The following ZNF527 variants were observed in gnomAD, a reference collection of about 807,000 sequenced individuals.
The protein encoded by ZNF527 is zinc finger protein 527.
Under a neutral mutation model 13.5 loss-of-function variants are expected in ZNF527, and 5 were observed. That is an observed-to-expected ratio of 0.37 (90% CI 0.19 to 0.78). The LOEUF (loss-of-function observed/expected upper bound fraction) is 0.78, where lower values mean the gene tolerates loss of function less well. Ranked by LOEUF, ZNF527 falls within the 30% of genes least tolerant of loss-of-function variation. ZNF527 has a pLI of 0.48. For missense variants in ZNF527, 628 were observed against 726.4 expected, an observed-to-expected ratio of 0.86 and a Z score of 1.56; for synonymous variants, 209 against 243.1, an observed-to-expected ratio of 0.86 and a Z score of 1.30.
rs1175191885 is a variant in ZNF527, at chr19:37,390,462, A to T, written c.*583A>T. The T allele has an allele frequency of 2.0e-5, 3 of 152,650 alleles. No homozygotes were observed. The highest frequency in any genetic ancestry group is 2.9e-5 in the Non-Finnish European group (2 of 68,418). The allele number at this position is 152,650 out of a possible 1,614,324, so 9.5% of individuals were successfully genotyped here. A position where few individuals can be genotyped will look rare whatever the true frequency, so the allele number is the denominator to read the frequency against. On this transcript the variant is annotated 3_prime_UTR_variant, in exon 5 of 5. Coordinates refer to ENST00000436120, the MANE Select transcript of ZNF527 (RefSeq NM_032453.2). ...GCCAATTATTTCCCCCAACCTAGTG[A>T]TAAGGGATTGGCAAATGGCCCTGTC... is the stretch of plus-strand genomic sequence containing the variant.
chr19:37,382,793 G>A (rs1053012866), intron 4 of ZNF527, among the ~76,000 whole-genome samples: 3 of 151,912 alleles, frequency 2.0e-5, no homozygotes, highest in African/African-American at 7.3e-5. Context: ...TGCAAGCTCC[G>A]CCTCCCGGGT....
At position 37,389,172 on chromosome 19, in the gene ZNF527, G is replaced by A. The variant is rs369168914; in HGVS notation, c.1123G>A (p.Glu375Lys). 7.4e-6 allele frequency: 12 copies of A among 1,613,698 alleles called. No homozygotes were observed. Among genetic ancestry groups the A allele is most frequent in the Non-Finnish European group, 1.0e-5 (12 of 1,179,966 alleles). Reference sequence around the variant, plus strand: ...CTTTAGCCGTTATGCCTTCCTTGTTGAACATCAGAGAATTCACACAGGTGA... The same window carrying A: ...CTTTAGCCGTTATGCCTTCCTTGTTAAACATCAGAGAATTCACACAGGTGA... ...KAFSRYAFLV[E>K]HQRIHTGEKP... is the part of the protein sequence containing the mutation. The change falls in exon 5 of 5, where the codon GAA becomes AAA. Residue 375 changes from glutamate (E) to lysine (K), a missense_variant. Coordinates refer to ENST00000436120, the MANE Select transcript of ZNF527 (RefSeq NM_032453.2).
chr19:37,384,132 A>G (rs1009924642), intron 4 of ZNF527, among the ~76,000 whole-genome samples: 2 of 151,866 alleles, frequency 1.3e-5, no homozygotes, highest in African/African-American at 2.4e-5. Flanking sequence ...AGCCTGGCCA[A>G]CATGGTGCAA....
chr19:37,378,853 A>G (rs1370506924), intron 2 of ZNF527, among the ~76,000 whole-genome samples: 2 of 152,214 alleles, frequency 1.3e-5, no homozygotes, highest in African/African-American at 4.8e-5. Flanking sequence ...CATATGTAAC[A>G]TACAACTTAG....
intron 4 of ZNF527, among the ~76,000 whole-genome samples, chr19:37,387,003 T>C (rs1295245194): frequency 6.6e-6 from 1 of 152,056 alleles, no homozygotes; most frequent in Non-Finnish European, 1.5e-5. Flanking sequence ...TCCAAGGCGG[T>C]ATATAGGACG....
intron 2 of ZNF527, among the ~76,000 whole-genome samples, chr19:37,376,664 C>T (rs533213372): frequency 9.2e-5 from 11 of 119,180 alleles, no homozygotes; most frequent in African/African-American, 3.6e-4. Flanking sequence ...CTGGGTGACA[C>T]GAGTGAAACT....
At chr19:37,387,461 G>T (rs2040709480) in intron 4 of ZNF527, among the ~76,000 whole-genome samples, 1 of 152,110 alleles carries the variant, frequency 6.6e-6, no homozygotes, top group Non-Finnish European at 1.5e-5. Context: ...ATTTACAAAA[G>T]GTAGAAAGAC....
intron 4 of ZNF527, chr19:37,384,730 G>A (rs914032092): frequency 1.2e-5 from 6 of 501,128 alleles, no homozygotes; most frequent in African/African-American, 5.8e-5. Context: ...CTGCTGATAT[G>A]AGGAAGGGAA....
In ZNF527 at chr19:37,389,791, C is replaced by G. The variant is rs766249747; in HGVS notation, c.1742C>G (p.Pro581Arg). The change falls in exon 5 of 5, where the codon CCT (proline) becomes CGT (arginine). Residue 581 changes from proline to arginine, a missense_variant. Physicochemically the swap from Pro to Arg is moderately radical, Grantham distance 103. Around this residue, in one of 3 missense-constraint regions of ZNF527, gnomAD observed 592 missense variants for 678.0 expected, o/e 0.87. Coordinates refer to ENST00000436120, the MANE Select transcript of ZNF527 (RefSeq NM_032453.2). ...LHQRIHAGEK[P>R]YKCNECGNNF... ...CAGAGAATTCACGCTGGAGAAAAAC[C>G]TTATAAATGTAACGAATGTGGGAAT... is the stretch of plus-strand genomic sequence containing the variant. 6.2e-7 allele frequency: 1 copy of G among 1,613,438 alleles called. No individual in the cohort carries two copies. Among genetic ancestry groups the G allele is most frequent in the Non-Finnish European group, 8.5e-7 (1 of 1,180,006 alleles).
chr19:37,385,023 A>G (rs2040686745), intron 4 of ZNF527: 1 of 697,252 alleles, frequency 1.4e-6, no homozygotes, highest in African/African-American at 1.7e-5. Flanking sequence ...ACGAGGTCTC[A>G]CTGTGTTGCC....
intron 4 of ZNF527, among the ~76,000 whole-genome samples, chr19:37,381,274 C>T (rs1424209126): frequency 6.6e-6 from 1 of 152,144 alleles, no homozygotes; most frequent in Non-Finnish European, 1.5e-5. Flanking sequence ...GACTTACCAT[C>T]AATTGTCTGA....
intron 4 of ZNF527, among the ~76,000 whole-genome samples, chr19:37,383,669 G>A (rs1600268914): frequency 6.6e-6 from 1 of 151,724 alleles, no homozygotes; most frequent in East Asian, 2.0e-4. Flanking sequence ...CTCCCAAGTA[G>A]CTGGGACTAC....
Position 37,389,162 on chromosome 19 carries a change from C to T in ZNF527, c.1113C>T (p.Ala371=). ...GTGGGAAGGCCTTTAGCCGTTATGCCTTCCTTGTTGAACATCAGAGAATTC... is the reference window on the plus strand; with the variant it reads ...GTGGGAAGGCCTTTAGCCGTTATGCTTTCCTTGTTGAACATCAGAGAATTC... ...NECGKAFSRY[A]FLVEHQRIHT... The change falls in exon 5 of 5, where the codon GCC becomes GCT. Residue 371 remains alanine (A), a synonymous_variant. Transcript: ENST00000436120. 2 of 1,613,650 alleles carry T rather than the reference C, an allele frequency of 1.2e-6. No individual in the cohort carries two copies. The highest frequency in any genetic ancestry group is 1.7e-6 in the Non-Finnish European group (2 of 1,179,914).
intron 1 of ZNF527, 54 bp from the exon 2 acceptor site, chr19:37,374,104 C>T: frequency 7.7e-7 from 1 of 1,294,216 alleles, no homozygotes; most frequent in East Asian, 2.3e-5. Flanking sequence ...GGGTCTTGGA[C>T]CAAAAACACA....
intron 2 of ZNF527, among the ~76,000 whole-genome samples, chr19:37,375,323 CTTT>C (rs2040597269): frequency 8.5e-6 from 1 of 117,472 alleles, no homozygotes; most frequent in African/African-American, 3.1e-5. Flanking sequence ...TTCTTTCTTT[CTTT>C]CTTTCTTTCT....
At chr19:37,386,866 TG>T (rs1302877117) in intron 4 of ZNF527, among the ~76,000 whole-genome samples, 3 of 152,166 alleles carry the variant, frequency 2.0e-5, no homozygotes, top group African/African-American at 7.2e-5. Flanking sequence ...CTACAAGAGA[TG>T]AGATCCAGGC....
intron 4 of ZNF527, chr19:37,385,310 G>A (rs972983857): frequency 2.6e-5 from 11 of 423,128 alleles, no homozygotes; most frequent in Non-Finnish European, 4.6e-5. Context: ...ACCAGATGTC[G>A]TCAGGATGGT....
chr19:37,380,467 C>T (rs2040645089), intron 4 of ZNF527, 95 bp downstream of exon 4: 1 of 988,486 alleles, frequency 1.0e-6, no homozygotes, highest in African/African-American at 1.6e-5. Flanking sequence ...GGGATGAGAA[C>T]TGAAATCTCC....
chr19:37,389,722 A>G lies in ZNF527; in HGVS notation c.1673A>G (p.Glu558Gly). Reference sequence around the variant, plus strand: ...GGAGAGAAACCCTATGAATGTAGTGAATGTGGGAAGGCTTTTCATCAGATC... The same window carrying G: ...GGAGAGAAACCCTATGAATGTAGTGGATGTGGGAAGGCTTTTCATCAGATC... ...HTGEKPYECSECGKAFHQILS... is the reference protein window; with the variant it reads ...HTGEKPYECSGCGKAFHQILS... The change falls in exon 5 of 5, where the codon GAA becomes GGA. Residue 558 changes from glutamate to glycine, a missense_variant. Glu to Gly is a moderately conservative substitution (Grantham distance 98). Coordinates refer to ENST00000436120, the MANE Select transcript of ZNF527 (RefSeq NM_032453.2). The G allele has an allele frequency of 6.2e-7, 1 of 1,614,050 alleles. No homozygotes were observed. The highest frequency in any genetic ancestry group is 8.5e-7 in the Non-Finnish European group (1 of 1,180,038).
Sources: allele counts gnomAD v4.1 joint callset (sites outside exome capture counted in the v4.1 genomes callset), GRCh38; gene constraint gnomAD v4.1.1; regional missense constraint gnomAD v4.1.1; transcripts MANE v1.5; gene names NCBI Gene and HGNC (gene_info 2026-07-23, HGNC 2026-07-21).